RBPJ: variants seen among roughly 807,000 people sequenced by gnomAD.
RBPJ encodes recombining binding protein suppressor of hairless.
Under a neutral mutation model 67.8 loss-of-function variants are expected in RBPJ, and 9 were observed. The observed-to-expected ratio is 0.13, with a 90% CI of 0.08 to 0.23. RBPJ has a LOEUF of 0.23. RBPJ is among the 10% of genes least tolerant of loss of function. RBPJ has a pLI of 1.00. For synonymous variants in RBPJ, 198 were observed against 203.3 expected, an observed-to-expected ratio of 0.97 and a Z score of 0.22; for missense variants, 305 against 595.6, an observed-to-expected ratio of 0.51 and a Z score of 5.08.
At chr4:26,301,460 C>T (rs945342989) in intron 1 of RBPJ, among the ~76,000 whole-genome samples, 9 of 151,786 alleles carry the variant, frequency 5.9e-5, no homozygotes, top group East Asian at 2.0e-4. Flanking sequence ...GGCGTGGTGG[C>T]GGGCGCCTGT....
intron 1 of RBPJ, among the ~76,000 whole-genome samples, chr4:26,221,434 T>A (rs1027298530): frequency 5.3e-5 from 8 of 152,112 alleles, no homozygotes; most frequent in African/African-American, 1.9e-4. Flanking sequence ...GCTGGGTCCA[T>A]TTCTAGACTA....
intron 1 of RBPJ, among the ~76,000 whole-genome samples, chr4:26,300,545 G>A (rs1466096863): frequency 6.6e-6 from 1 of 152,204 alleles, no homozygotes; most frequent in African/African-American, 2.4e-5. Flanking sequence ...CTAAGCAAAA[G>A]GAATTTACTA....
chr4:26,182,803 T>A (rs1004850752), intron 1 of RBPJ, among the ~76,000 whole-genome samples: 2 of 152,140 alleles, frequency 1.3e-5, no homozygotes, highest in Admixed American at 6.6e-5. Context: ...GGCTTACTTT[T>A]TAAACTTCTT....
chr4:26,306,766 T>G (rs1472198738), intron 1 of RBPJ, among the ~76,000 whole-genome samples: 2 of 151,974 alleles, frequency 1.3e-5, no homozygotes, highest in Non-Finnish European at 2.9e-5. Context: ...ATTTTTTAAT[T>G]AATAAATGTG....
chr4:26,151,049 C>T, the RBPJ span, among the ~76,000 whole-genome samples: 1 of 152,178 alleles, frequency 6.6e-6, no homozygotes, highest in Non-Finnish European at 1.5e-5. Flanking sequence ...TCTAAAAATA[C>T]TTTTTGATGA....
At chr4:26,135,857 C>A in the RBPJ span, among the ~76,000 whole-genome samples, 1 of 152,154 alleles carries the variant, frequency 6.6e-6, no homozygotes, top group East Asian at 1.9e-4. Context: ...CCTGGCAGCT[C>A]TGCTTGAAGA....
intron 1 of RBPJ, chr4:26,322,231 T>C (rs924544670): frequency 6.6e-6 from 1 of 152,202 alleles, no homozygotes; most frequent in African/African-American, 2.4e-5. Context: ...TCAAGATGTA[T>C]ATATGTGTTT....
chr4:26,379,099 A>G (rs1560307272), intron 1 of RBPJ, among the ~76,000 whole-genome samples: 1 of 152,180 alleles, frequency 6.6e-6, no homozygotes, highest in African/African-American at 2.4e-5. Context: ...AAATATAATG[A>G]GAAGGAAGTA....
intron 1 of RBPJ, among the ~76,000 whole-genome samples, chr4:26,179,607 C>A (rs980766159): frequency 2.6e-5 from 4 of 151,962 alleles, no homozygotes; most frequent in Non-Finnish European, 4.4e-5. Flanking sequence ...AAATCAAAAC[C>A]ACAATGAGTT....
intron 1 of RBPJ, among the ~76,000 whole-genome samples, chr4:26,349,315 T>G (rs924075552): frequency 5.3e-5 from 8 of 152,120 alleles, no homozygotes; most frequent in African/African-American, 1.9e-4. Context: ...CAAGTGATCC[T>G]CCCACCTCAG....
chr4:26,105,722 G>A, the RBPJ span, among the ~76,000 whole-genome samples: 1 of 152,230 alleles, frequency 6.6e-6, no homozygotes, highest in Non-Finnish European at 1.5e-5. Context: ...AGAAAAGATA[G>A]TGTGTGCTGT....
chr4:26,362,485 A>G (rs76575959), intron 1 of RBPJ: 15,105 of 1,499,412 alleles, frequency 0.01, 95 homozygotes, highest in Admixed American at 0.014. Context: ...TGGAAGCATT[A>G]TAGTTCTTCG....
chr4:26,349,733 C>T (rs1024203739), intron 1 of RBPJ, among the ~76,000 whole-genome samples: 1 of 152,186 alleles, frequency 6.6e-6, no homozygotes, highest in African/African-American at 2.4e-5. Flanking sequence ...AAACAGCAGA[C>T]CTCCATGTGG....
chr4:26,306,630 T>C (rs1416010582), intron 1 of RBPJ, among the ~76,000 whole-genome samples: 2 of 151,802 alleles, frequency 1.3e-5, no homozygotes, highest in Admixed American at 1.3e-4. Context: ...TTTGTATTTT[T>C]AGTAGAGGCG....
At position 26,199,942 on chromosome 4, in the gene RBPJ, T is replaced by C. The variant is rs1428869677; in HGVS notation, c.-167+36328T>C. 2.0e-5 allele frequency among the ~76,000 whole-genome samples: 3 copies of C among 152,340 alleles called. No homozygotes were observed. The East Asian group carries it at 5.8e-4, about 29-fold the overall frequency. ...GTGATGCTATGGCTCGTTTCTTCTG[T>C]AAATGCTTCTTGGGGAGCTGTGCCA... On this transcript the variant is annotated intron_variant, in intron 1 of 4. Coordinates refer to the RBPJ transcript ENST00000512351.
chr4:26,399,213 C>T (rs941568356), intron 2 of RBPJ, among the ~76,000 whole-genome samples: 1 of 152,162 alleles, frequency 6.6e-6, no homozygotes, highest in African/African-American at 2.4e-5. Flanking sequence ...GGTGTTGCCT[C>T]ACCACCAGCT....
intron 1 of RBPJ, among the ~76,000 whole-genome samples, chr4:26,371,919 A>G (rs1007888460): frequency 6.6e-6 from 1 of 152,200 alleles, no homozygotes; most frequent in African/African-American, 2.4e-5. Context: ...TATTTGTTTT[A>G]TATGTGGGGC....
At chr4:26,114,058 T>C in the RBPJ span, among the ~76,000 whole-genome samples, 4 of 152,220 alleles carry the variant, frequency 2.6e-5, no homozygotes, top group Admixed American at 1.3e-4. Flanking sequence ...TAGTGTCGTA[T>C]TCCAAATGTA....
At chr4:26,215,826 C>T (rs1214409407) in intron 1 of RBPJ, among the ~76,000 whole-genome samples, 1 of 152,178 alleles carries the variant, frequency 6.6e-6, no homozygotes, top group Admixed American at 6.5e-5. Context: ...CTCTCACCTC[C>T]TTGCCAGTCT....
Sources: gnomAD v4.1 joint callset for allele counts (sites outside exome capture counted in the v4.1 genomes callset) on GRCh38, gnomAD v4.1.1 for gene constraint, MANE v1.5 for transcripts, NCBI Gene and HGNC (gene_info 2026-07-23, HGNC 2026-07-21) for gene names.